The following PATJ variants were observed in gnomAD, a reference collection of about 807,000 sequenced individuals.
The protein encoded by PATJ is inaD-like protein.
A neutral mutation model predicts 224.9 loss-of-function variants in PATJ; 190 were observed. That is an observed-to-expected ratio of 0.84 (90% confidence interval 0.75 to 0.95). The LOEUF is 0.95. Ranked by LOEUF, PATJ falls within the 40% of genes least tolerant of loss-of-function variation. PATJ has a pLI of 0.00. For missense variants in PATJ, 2,121 were observed against 2,270.3 expected (o/e 0.93, Z 1.34); for synonymous variants, 769 against 820.3 (o/e 0.94, Z 1.07).
At chr1:61,952,253 T>TGAGAGAGAGAGAAA in intron 27 of PATJ, 1 of 475,072 alleles carries the variant, frequency 2.1e-6, no homozygotes, top group Non-Finnish European at 3.8e-6. Flanking sequence ...GAACAAAATC[T>TGAGAGAGAGAGAAA]GAGAGAGAGA....
At chr1:62,030,800 TC>T (rs1203511932) in intron 29 of PATJ, among the ~76,000 whole-genome samples, 7 of 152,228 alleles carry the variant, frequency 4.6e-5, no homozygotes, top group Non-Finnish European at 8.8e-5. Context: ...CTGGTTTCTT[TC>T]ATTAACATAA....
intron 25 of PATJ, among the ~76,000 whole-genome samples, chr1:61,909,169 G>C (rs1002372004): frequency 1.3e-5 from 2 of 152,030 alleles, no homozygotes; most frequent in African/African-American, 4.8e-5. Flanking sequence ...TAGTAGAGAC[G>C]AGGTTTCACC....
intron 32 of PATJ, among the ~76,000 whole-genome samples, chr1:62,080,931 C>G (rs1443535984): frequency 6.6e-6 from 1 of 152,056 alleles, no homozygotes; most frequent in African/African-American, 2.4e-5. Flanking sequence ...AAGGTGTTCA[C>G]TTTTTAAAGG....
At chr1:61,911,200 T>C (rs1387625152) in intron 25 of PATJ, among the ~76,000 whole-genome samples, 2 of 152,068 alleles carry the variant, frequency 1.3e-5, no homozygotes, top group Non-Finnish European at 2.9e-5. Context: ...TTGGGTTTTT[T>C]TTGTTGTTGT....
chr1:61,801,153 A>G (rs909353370), intron 11 of PATJ, among the ~76,000 whole-genome samples: 1 of 152,218 alleles, frequency 6.6e-6, no homozygotes, highest in Admixed American at 6.5e-5. Flanking sequence ...AGGAATCGCC[A>G]TACTGTCTTC....
chr1:62,021,258 G>A (rs563463183), intron 29 of PATJ, among the ~76,000 whole-genome samples: 2 of 152,268 alleles, frequency 1.3e-5, no homozygotes, highest in South Asian at 4.2e-4. Flanking sequence ...AACAGGAGGG[G>A]CTCCCTTGGG....
chr1:62,136,015 AT>A (rs374594803), intron 41 of PATJ, among the ~76,000 whole-genome samples: 2,684 of 63,674 alleles, frequency 0.042, 9 homozygotes, highest in East Asian at 0.14. Context: ...AGACCATTAG[AT>A]TTTTTTTTTT....
chr1:61,788,520 C>A (rs1016763146), intron 8 of PATJ, among the ~76,000 whole-genome samples: 4 of 152,044 alleles, frequency 2.6e-5, no homozygotes, highest in African/African-American at 9.7e-5. Flanking sequence ...ATGTTAAAGA[C>A]CTTATAGGGA....
chr1:61,861,296 T>TTTTTTTTTTTTTTTTTTTTTTTTTG (rs1664547225), intron 18 of PATJ, among the ~76,000 whole-genome samples: 1 of 142,660 alleles, frequency 7.0e-6, no homozygotes. Flanking sequence ...TTTTTTTTTT[T>TTTTTTTTTTTTTTTTTTTTTTTTTG]TTTTTTTTTT....
intron 18 of PATJ, among the ~76,000 whole-genome samples, chr1:61,861,280 CTTTCTTTTT>C (rs1472248091): frequency 1.4e-4 from 4 of 28,648 alleles, no homozygotes; most frequent in Non-Finnish European, 2.5e-4. Context: ...TATTTTCTTT[CTTTCTTTTT>C]TTTTTTTTTT....
chr1:62,009,321 T>A (rs1646287773), intron 28 of PATJ, among the ~76,000 whole-genome samples: 1 of 152,064 alleles, frequency 6.6e-6, no homozygotes, highest in Admixed American at 6.6e-5. Context: ...AAGTGAGTCA[T>A]GTGTGTTTTT....
At chr1:61,929,687 C>A (rs180920110) in intron 27 of PATJ, among the ~76,000 whole-genome samples, 1 of 152,278 alleles carries the variant, frequency 6.6e-6, no homozygotes, top group Admixed American at 6.5e-5. Flanking sequence ...CCTATAACAT[C>A]ATCGATACTT....
rs75900825 is a variant in PATJ, at chr1:62,017,914, C to T, written c.3926C>T (p.Thr1309Ile). The T allele has an allele frequency of 9.5e-4, 1,526 of 1,612,042 alleles. 15 individuals are homozygous for T. The African/African-American group carries it at 0.018, about 19-fold the overall frequency. The change falls in exon 29 of 44, where the codon ACT becomes ATT. Residue 1309 changes from threonine to isoleucine, a missense_variant. Transcript: ENST00000642238. ...CAAAATGCATCTGCCATTATTAAGA[C>T]TGCCCCATCAAAGGTCAAGCTGGTT... is the stretch of plus-strand genomic sequence containing the variant. ...SHQNASAIIK[T>I]APSKVKLVFI...
Position 61,939,718 on chromosome 1 carries a change from A to C in PATJ, c.3670+11889A>C, listed in dbSNP as rs369283066. Among the ~76,000 whole-genome samples, 1,039 of 105,714 alleles carry C rather than the reference A, an allele frequency of 9.8e-3. 15 individuals are homozygous for C. The highest frequency in any genetic ancestry group is 0.038 in the African/African-American group (985 of 26,048). The allele number at this position is 105,714 out of a possible 152,430, so 69.4% of individuals were successfully genotyped here. A position where few individuals can be genotyped will look rare whatever the true frequency, so the allele number is the denominator to read the frequency against. On this transcript the variant is annotated intron_variant, in intron 27 of 43. Transcript: ENST00000642238. ...TTTTTTTTTTGAGACGTTGTCGCCCATGCTGGACTGCAGTGGTGTGATCTC... is the reference window on the plus strand; with the variant it reads ...TTTTTTTTTTGAGACGTTGTCGCCCCTGCTGGACTGCAGTGGTGTGATCTC...
At chr1:61,774,435 T>C (rs947587895) in intron 6 of PATJ, among the ~76,000 whole-genome samples, 2 of 152,246 alleles carry the variant, frequency 1.3e-5, no homozygotes, top group Non-Finnish European at 2.9e-5. Context: ...TTATGTCTTT[T>C]AGTCTGATTT....
At chr1:61,805,610 C>A in intron 13 of PATJ, 86 bp downstream of exon 13, 2 of 796,430 alleles carry the variant, frequency 2.5e-6, no homozygotes, top group Admixed American at 2.3e-5. Flanking sequence ...ATGGGTGAGT[C>A]AAAGAATAGC....
chr1:62,107,120 C>T (rs1344107885), intron 33 of PATJ, among the ~76,000 whole-genome samples: 2 of 152,002 alleles, frequency 1.3e-5, no homozygotes, highest in African/African-American at 4.8e-5. Context: ...TCCTGGCTAA[C>T]ACGGTGAAAC....
In PATJ at chr1:62,114,139, G is replaced by A. The variant is rs1664181716; in HGVS notation, c.4548G>A (p.Val1516=). ...RQTPQKVRLV[V]YRDEAHYRDE... The stretch of plus-strand genomic sequence containing the variant: ...CCCCCCAGAAGGTGCGGCTGGTGGT[G>A]TATAGAGATGAGGCACACTACCGGG... Residue 1516 remains valine, a synonymous_variant, in exon 35 of 44, where the codon GTG becomes GTA. Transcript: ENST00000642238. The A allele has an allele frequency of 6.2e-7, 1 of 1,613,990 alleles. No homozygotes were observed. Among genetic ancestry groups the A allele is most frequent in the Non-Finnish European group, 8.5e-7 (1 of 1,179,998 alleles).
intron 8 of PATJ, among the ~76,000 whole-genome samples, 161 bp from the exon 9 acceptor site, chr1:61,791,176 TAATATGGCATC>T (rs1649779720): frequency 6.6e-6 from 1 of 152,218 alleles, no homozygotes; most frequent in South Asian, 2.1e-4. Flanking sequence ...TTTTGCCATG[TAATATGGCATC>T]AATATGGGAG....
Sources: gnomAD v4.1 joint callset for allele counts (sites outside exome capture counted in the v4.1 genomes callset) on GRCh38, gnomAD v4.1.1 for gene constraint, MANE v1.5 for transcripts, NCBI Gene and HGNC (gene_info 2026-07-23, HGNC 2026-07-21) for gene names.